Variants in FBXO11 observed in about 807,000 individuals in gnomAD.
The protein encoded by FBXO11 is F-box protein 11.
A neutral mutation model predicts 117.0 loss-of-function variants in FBXO11; 13 were observed. That is an observed-to-expected ratio of 0.11 (90% CI 0.07 to 0.18). The LOEUF (loss-of-function observed/expected upper bound fraction) is 0.18. Ranked by LOEUF, FBXO11 falls within the 10% of genes least tolerant of loss-of-function variation. The pLI, the probability that FBXO11 is intolerant of heterozygous loss-of-function variation, is 1.00. For missense variants in FBXO11, 767 were observed against 1,164.4 expected, an observed-to-expected ratio of 0.66 and a Z score of 4.97; for synonymous variants, 490 against 380.5, an observed-to-expected ratio of 1.29 and a Z score of -3.35.
intron 1 of FBXO11, among the ~76,000 whole-genome samples, chr2:47,887,110 A>G (rs1676916053): frequency 6.6e-6 from 1 of 151,762 alleles, no homozygotes; most frequent in Admixed American, 6.6e-5. Context: ...ACATGGAGAA[A>G]CCCCATCTCT....
At chr2:47,883,570 A>G (rs963246286) in intron 1 of FBXO11, 3 of 346,150 alleles carry the variant, frequency 8.7e-6, no homozygotes, top group Non-Finnish European at 1.7e-5. Context: ...ATTCGTCTGG[A>G]TCGGCAAACA....
chr2:47,851,435 G>A (rs1313593427), intron 1 of FBXO11, among the ~76,000 whole-genome samples: 1 of 152,032 alleles, frequency 6.6e-6, no homozygotes, highest in South Asian at 2.1e-4. Context: ...CACTATGCTG[G>A]CCAGGCTGGT....
At chr2:47,811,142 T>G (rs553463036) in intron 18 of FBXO11, 1 of 152,356 alleles carries the variant, frequency 6.6e-6, no homozygotes, top group East Asian at 1.9e-4. Context: ...ACTCCCTGGG[T>G]ATTAATATTT....
chr2:47,839,122 T>C, intron 3 of FBXO11, 119 bp from the exon 4 acceptor site: 1 of 1,039,598 alleles, frequency 9.6e-7, no homozygotes, highest in Non-Finnish European at 1.4e-6. Context: ...GGTCATTTTA[T>C]AAGCATGTGG....
intron 18 of FBXO11, 180 bp downstream of exon 18, chr2:47,813,054 T>C: frequency 1.5e-6 from 1 of 649,166 alleles, no homozygotes. Flanking sequence ...AAAGGAAAAG[T>C]ATTGTAAACA....
At chr2:47,890,396 G>A (rs997051795) in intron 1 of FBXO11, among the ~76,000 whole-genome samples, 19 of 152,086 alleles carry the variant, frequency 1.2e-4, no homozygotes, top group Non-Finnish European at 2.8e-4. Flanking sequence ...AGCACTTAAA[G>A]CACACTTCCA....
chr2:47,850,453 G>A (rs554326125), intron 1 of FBXO11, among the ~76,000 whole-genome samples: 153 of 152,262 alleles, frequency 1.0e-3, no homozygotes, highest in South Asian at 1.2e-3. Context: ...GAGTCAGAAA[G>A]CATAGACTAG....
chr2:47,856,088 G>C (rs1465729000), intron 1 of FBXO11, among the ~76,000 whole-genome samples: 1 of 152,136 alleles, frequency 6.6e-6, no homozygotes, highest in Non-Finnish European at 1.5e-5. Flanking sequence ...CCAAGCCTAG[G>C]CAACCAAGTG....
intron 1 of FBXO11, among the ~76,000 whole-genome samples, chr2:47,859,815 C>T (rs942315484): frequency 6.6e-6 from 1 of 152,038 alleles, no homozygotes; most frequent in African/African-American, 2.4e-5. Flanking sequence ...ATAAGATAAT[C>T]ATTAGGATCA....
In FBXO11 at chr2:47,823,203, T is replaced by G; in HGVS notation, c.1556A>C (p.Lys519Thr). The G allele has an allele frequency of 6.2e-7, 1 of 1,614,110 alleles. No individual in the cohort carries two copies. Among genetic ancestry groups the G allele is most frequent in the Non-Finnish European group, 8.5e-7 (1 of 1,179,970 alleles). ...EKGRGQFIEN[K>T]IYANNFAGVW... ...ACCTGCAAAGTTGTTTGCATAGATT[T>G]TATTCTCTATGAATTGTCCTCTTCC... Residue 519 changes from lysine (K) to threonine (T), a missense_variant, in exon 12 of 23, where the codon AAA becomes ACA. By Grantham distance (78) the Lys-to-Thr change is moderately conservative. Coordinates refer to ENST00000403359, the MANE Select transcript of FBXO11 (RefSeq NM_001190274.2).
At chr2:47,851,097 A>G (rs1458935829) in intron 1 of FBXO11, among the ~76,000 whole-genome samples, 1 of 152,252 alleles carries the variant, frequency 6.6e-6, no homozygotes, top group Non-Finnish European at 1.5e-5. Flanking sequence ...GGAGAAACTG[A>G]TATGGCCAGA....
intron 1 of FBXO11, among the ~76,000 whole-genome samples, chr2:47,866,557 T>G (rs1675213923): frequency 6.6e-6 from 1 of 151,158 alleles, no homozygotes; most frequent in Non-Finnish European, 1.5e-5. Flanking sequence ...CACTGCAAAC[T>G]CCGCCTCTCG....
At chr2:47,904,713 G>T (rs1678615089) in intron 1 of FBXO11, among the ~76,000 whole-genome samples, 2 of 152,154 alleles carry the variant, frequency 1.3e-5, no homozygotes, top group Non-Finnish European at 2.9e-5. Flanking sequence ...GTCGCTCGGG[G>T]AGGACAGGCG....
intron 1 of FBXO11, chr2:47,883,504 T>C (rs565767530): frequency 1.5e-4 from 62 of 409,540 alleles, no homozygotes; most frequent in East Asian, 5.7e-4. Flanking sequence ...ACCCTCCAGA[T>C]TGAACCCTTG....
At position 47,905,593 on chromosome 2, in the gene FBXO11, T is replaced by A. The variant is rs776045501; in HGVS notation, c.128A>T (p.Gln43Leu). Residue 43 changes from glutamine to leucine, a missense_variant, in exon 1 of 23, where the codon CAG becomes CTG. Coordinates refer to ENST00000403359, the MANE Select transcript of FBXO11 (RefSeq NM_001190274.2). ...PQPPQQQPPQ[Q>L]QPPPPPQQQQ... ...CTGCTGCGGCGGCGGCGGAGGCTGC[T>A]GCTGGGGCGGCTGCTGCTGGGGCGG... The A allele has an allele frequency of 3.1e-6, 4 of 1,289,154 alleles. No homozygotes were observed. Among genetic ancestry groups the A allele is most frequent in the South Asian group, 2.5e-5 (1 of 40,380 alleles). The allele number at this position is 1,289,154 out of a possible 1,614,324, so 79.9% of individuals were successfully genotyped here.
At chr2:47,829,768 A>C (rs1180567621) in intron 11 of FBXO11, among the ~76,000 whole-genome samples, 5 of 152,206 alleles carry the variant, frequency 3.3e-5, no homozygotes, top group African/African-American at 9.7e-5. Flanking sequence ...GAGATGATGA[A>C]GTCTGGTATT....
chr2:47,810,865 C>T (rs992803629), intron 18 of FBXO11: 2 of 152,952 alleles, frequency 1.3e-5, no homozygotes, highest in Non-Finnish European at 2.9e-5. Flanking sequence ...TCCTTTATTC[C>T]AGTTTCATCT....
rs748102988 is a variant in FBXO11, at chr2:47,839,769, T to A, written c.233A>T (p.Asp78Val). The A allele has an allele frequency of 2.5e-6, 4 of 1,611,942 alleles. No individual in the cohort carries two copies. In the South Asian group the frequency reaches 3.3e-5, roughly 13 times the overall value. The change falls in exon 2 of 23, where the codon GAT becomes GTT. Residue 78 changes from aspartate (D) to valine (V), a missense_variant and splice_region_variant. This residue lies in a region of FBXO11 where 355 missense variants were observed against 299.8 expected (regional missense o/e 1.18). Transcript: ENST00000403359. ...PQERNNVGERDDDVPADMVAE... is the reference protein window; with the variant it reads ...PQERNNVGERVDDVPADMVAE... ...AACCATATCTGCAGGCACATCATCA[T>A]CTGTTATAAACAAAAGCAATAAGAA... is the stretch of plus-strand genomic sequence containing the variant.
intron 1 of FBXO11, among the ~76,000 whole-genome samples, chr2:47,880,767 A>G (rs1203965649): frequency 6.6e-6 from 1 of 152,218 alleles, no homozygotes; most frequent in African/African-American, 2.4e-5. Context: ...TGTTAAAATC[A>G]TGACACTCCT....
Sources: gnomAD v4.1 joint callset for allele counts (sites outside exome capture counted in the v4.1 genomes callset) on GRCh38, gnomAD v4.1.1 for gene constraint, gnomAD v4.1.1 regional missense constraint, MANE v1.5 for transcripts, NCBI Gene and HGNC (gene_info 2026-07-23, HGNC 2026-07-21) for gene names.